The following NRXN3 variants were observed in gnomAD, a reference collection of about 807,000 sequenced individuals.
The protein encoded by NRXN3 is neurexin 3, also known as neurexin III.
NRXN3 carries 32 observed loss-of-function variants against 137.6 expected under a neutral mutation model. The observed-to-expected ratio is 0.23, with a 90% CI of 0.18 to 0.31. The LOEUF is 0.31. Ranked by LOEUF, NRXN3 falls within the 10% of genes least tolerant of loss-of-function variation. The pLI, the probability that NRXN3 is intolerant of heterozygous loss-of-function variation, is 1.00. For missense variants in NRXN3, 1,574 were observed against 2,062.5 expected (o/e 0.76, Z 4.59); for synonymous variants, 798 against 784.5 (o/e 1.02, Z -0.29).
intron 15 of NRXN3, among the ~76,000 whole-genome samples, chr14:79,374,109 T>C (rs2094191123): frequency 6.6e-6 from 1 of 152,214 alleles, no homozygotes; most frequent in South Asian, 2.1e-4. Flanking sequence ...AGCAATGCCA[T>C]GTCATGAAAG....
Position 78,696,078 on chromosome 14 carries a change from G to A in NRXN3, c.1222-13139G>A, listed in dbSNP as rs565201279. Among the ~76,000 whole-genome samples, 18 of 152,134 alleles carry A rather than the reference G, an allele frequency of 1.2e-4. No homozygotes were observed. The South Asian group carries it at 3.3e-3, about 28-fold the overall frequency. On this transcript the variant is annotated intron_variant, in intron 6 of 20. Coordinates refer to ENST00000335750, the MANE Select transcript of NRXN3 (RefSeq NM_001330195.2). Reference sequence around the variant, plus strand: ...ACTTGAGTGTAATCTGCTATCTTAAGCCACAGGCAGGAGAGATCAATTTTT... The same window carrying A: ...ACTTGAGTGTAATCTGCTATCTTAAACCACAGGCAGGAGAGATCAATTTTT...
chr14:78,365,484 T>A (rs2085788000), intron 4 of NRXN3, among the ~76,000 whole-genome samples: 1 of 152,102 alleles, frequency 6.6e-6, no homozygotes, highest in African/African-American at 2.4e-5. Context: ...GAAGATAAGG[T>A]TTTGCAGGCC....
chr14:78,621,225 A>G (rs1326252746), intron 4 of NRXN3, among the ~76,000 whole-genome samples: 1 of 152,022 alleles, frequency 6.6e-6, no homozygotes, highest in Non-Finnish European at 1.5e-5. Context: ...TTTTTTCTAG[A>G]TGAGAGGCAC....
intron 8 of NRXN3, among the ~76,000 whole-genome samples, chr14:78,732,696 C>A (rs1352575871): frequency 6.6e-6 from 1 of 152,070 alleles, no homozygotes; most frequent in Non-Finnish European, 1.5e-5. Context: ...TGCTTATGAC[C>A]ATTATTTTAG....
intron 4 of NRXN3, among the ~76,000 whole-genome samples, chr14:78,475,873 G>A (rs1316082536): frequency 6.6e-6 from 1 of 152,192 alleles, no homozygotes; most frequent in Non-Finnish European, 1.5e-5. Context: ...CTTCTACTAT[G>A]TGCCAGTACT....
chr14:79,138,159 A>G (rs1480677803), intron 15 of NRXN3, among the ~76,000 whole-genome samples: 1 of 152,136 alleles, frequency 6.6e-6, no homozygotes, highest in Non-Finnish European at 1.5e-5. Context: ...ATCTTATTTT[A>G]TTTCATTTTT....
intron 16 of NRXN3, among the ~76,000 whole-genome samples, chr14:79,545,048 T>C (rs2097306599): frequency 6.6e-6 from 1 of 152,202 alleles, no homozygotes; most frequent in Admixed American, 6.5e-5. Context: ...GGAGGAGCTG[T>C]TGCTTATTTG....
chr14:79,109,417 G>A (rs955680431), intron 15 of NRXN3, among the ~76,000 whole-genome samples: 8 of 152,130 alleles, frequency 5.3e-5, no homozygotes, highest in African/African-American at 1.4e-4. Context: ...CCAAAAGCCT[G>A]AGTAAACAAA....
intron 3 of NRXN3, among the ~76,000 whole-genome samples, chr14:78,285,538 G>A (rs1417933755): frequency 2.6e-5 from 4 of 152,072 alleles, no homozygotes; most frequent in Admixed American, 6.5e-5. Context: ...TGGTAGGTGC[G>A]GCCCAGGAGA....
chr14:79,754,323 G>T (rs551007063), intron 19 of NRXN3, among the ~76,000 whole-genome samples: 3 of 151,624 alleles, frequency 2.0e-5, no homozygotes, highest in Non-Finnish European at 2.9e-5. Flanking sequence ...TGGCCTGGAC[G>T]ACAGAGCGAG....
In NRXN3 at chr14:78,588,459, C is replaced by T. The variant is rs754438515; in HGVS notation, c.758-56661C>T. ...CTTTCACTCCCTTTTTGCTGTTGTT[C>T]CACTTCTCCTGGGCTCCTGATGAAG... On this transcript the variant is annotated intron_variant, in intron 4 of 20. Transcript: ENST00000335750. 5.4e-4 allele frequency among the ~76,000 whole-genome samples: 82 copies of T among 152,218 alleles called. No homozygotes were observed. The Middle Eastern group carries it at 0.01, about 19-fold the overall frequency.
At chr14:79,157,269 T>C (rs1224414921) in intron 15 of NRXN3, among the ~76,000 whole-genome samples, 1 of 151,818 alleles carries the variant, frequency 6.6e-6, no homozygotes, top group African/African-American at 2.4e-5. Flanking sequence ...TTCACTTTGA[T>C]TTCAGCATTG....
At chr14:78,678,483 GT>G (rs1408621115) in intron 6 of NRXN3, among the ~76,000 whole-genome samples, 1 of 152,028 alleles carries the variant, frequency 6.6e-6, no homozygotes, top group Non-Finnish European at 1.5e-5. Flanking sequence ...TTGTGCCAGA[GT>G]TTATCTAGTA....
intron 8 of NRXN3, among the ~76,000 whole-genome samples, chr14:78,719,752 G>A (rs2098450987): frequency 6.6e-6 from 1 of 152,176 alleles, no homozygotes; most frequent in Admixed American, 6.5e-5. Context: ...TGAGGCATGA[G>A]AATCACTTGA....
At position 78,948,544 on chromosome 14, in the gene NRXN3, C is replaced by T. The variant is rs567100090; in HGVS notation, c.2276-8698C>T. On this transcript the variant is annotated intron_variant, in intron 10 of 20. Coordinates refer to ENST00000335750, the MANE Select transcript of NRXN3 (RefSeq NM_001330195.2). ...TTGGCTGAGGGAATATGATGCCAGG[C>T]GGCACGTGATGCAGGGTCTGCTGGA... Among the ~76,000 whole-genome samples the T allele has an allele frequency of 7.3e-5, 11 of 150,830 alleles. No homozygotes were observed. In the East Asian group the frequency reaches 7.8e-4, roughly 11 times the overall value.
intron 19 of NRXN3, among the ~76,000 whole-genome samples, chr14:79,710,975 C>CTGAT (rs149143873): frequency 0.026 from 4,008 of 152,254 alleles, 80 homozygotes; most frequent in African/African-American, 0.056. Context: ...CTTTAGCATG[C>CTGAT]TGATTGGCTA....
chr14:79,158,336 A>G (rs1486774425), intron 15 of NRXN3, among the ~76,000 whole-genome samples: 8 of 151,842 alleles, frequency 5.3e-5, no homozygotes, highest in Non-Finnish European at 1.5e-5. Flanking sequence ...CTGAATATCT[A>G]ATAGTGAGAT....
intron 15 of NRXN3, among the ~76,000 whole-genome samples, chr14:79,356,345 T>C (rs890536675): frequency 2.0e-5 from 3 of 152,102 alleles, no homozygotes; most frequent in Non-Finnish European, 4.4e-5. Context: ...AAGAGCCTGA[T>C]TGTGACTGTT....
At chr14:79,180,045 G>C (rs2062754852) in intron 15 of NRXN3, among the ~76,000 whole-genome samples, 2 of 152,160 alleles carry the variant, frequency 1.3e-5, no homozygotes, top group African/African-American at 2.4e-5. Flanking sequence ...AAAATGTATA[G>C]GTTGCTGTAA....
Sources: allele counts gnomAD v4.1 joint callset (sites outside exome capture counted in the v4.1 genomes callset), GRCh38; gene constraint gnomAD v4.1.1; transcripts MANE v1.5; gene names NCBI Gene and HGNC (gene_info 2026-07-23, HGNC 2026-07-21).